OXR1: variants seen among roughly 807,000 people sequenced by gnomAD.
OXR1 encodes the protein oxidation resistance protein 1.
OXR1 carries 41 observed loss-of-function variants against 104.6 expected under a neutral mutation model. The observed-to-expected ratio is 0.39, with a 90% confidence interval of 0.31 to 0.51. OXR1 has a LOEUF of 0.51. Among genes scored for constraint, OXR1 ranks in the 20% least tolerant of loss-of-function variants. The pLI is 0.77. For missense variants in OXR1, 955 were observed against 1,031.9 expected (o/e 0.93, Z 1.02); for synonymous variants, 348 against 348.4 (o/e 1.00, Z 0.01).
intron 3 of OXR1, among the ~76,000 whole-genome samples, chr8:106,660,760 C>A (rs556519597): frequency 6.6e-6 from 1 of 152,228 alleles, no homozygotes; most frequent in East Asian, 1.9e-4. Context: ...CGTCGGTAAT[C>A]CCAGCACTTT....
chr8:106,655,769 G>A (rs779908516), intron 3 of OXR1, among the ~76,000 whole-genome samples: 1 of 152,056 alleles, frequency 6.6e-6, no homozygotes, highest in African/African-American at 2.4e-5. Context: ...GAGACATTAC[G>A]ACTCAGCCGA....
Position 106,707,336 on chromosome 8 carries a change from A to C in OXR1, c.1624+191A>C, listed in dbSNP as rs1258505439. The C allele has an allele frequency of 6.0e-6, 4 of 670,354 alleles. No homozygotes were observed. In the African/African-American group the frequency reaches 7.3e-5, roughly 12 times the overall value. 41.5% of individuals were successfully genotyped at this position (670,354 alleles called of 1,614,324 possible). On this transcript the variant is annotated intron_variant, in intron 9 of 16. Transcript: ENST00000517566. ...CTGTCTTTTCTTATCCCACAGGTGG[A>C]TTGTACACATAATGAGCATCATTGC...
intron 1 of OXR1, among the ~76,000 whole-genome samples, chr8:106,337,490 C>T (rs1020248805): frequency 2.0e-5 from 3 of 152,112 alleles, no homozygotes; most frequent in Admixed American, 6.5e-5. Flanking sequence ...AATGGCCAGA[C>T]GAGGATCACA....
Position 106,706,474 on chromosome 8 carries a change from C to T in OXR1, c.953C>T (p.Ala318Val), listed in dbSNP as rs776333439. 2 of 1,592,208 alleles carry T rather than the reference C, an allele frequency of 1.3e-6. No homozygotes were observed. The highest frequency in any genetic ancestry group is 1.2e-5 in the South Asian group (1 of 86,064). Residue 318 changes from alanine (A) to valine (V), a missense_variant, in exon 9 of 17, where the codon GCA (alanine) becomes GTA (valine). Coordinates refer to ENST00000517566, the MANE Select transcript of OXR1 (RefSeq NM_001198533.2). Reference sequence around the variant, plus strand: ...GAAATAGACTCAAGAATCCGAGATGCAGGTAATGATAGTGCCAGCACTGCT... The same window carrying T: ...GAAATAGACTCAAGAATCCGAGATGTAGGTAATGATAGTGCCAGCACTGCT... The part of the protein sequence containing the change: ...TEEIDSRIRD[A>V]GNDSASTAPR...
intron 1 of OXR1, among the ~76,000 whole-genome samples, chr8:106,335,347 G>T (rs759617791): frequency 7.2e-5 from 11 of 152,116 alleles, no homozygotes; most frequent in African/African-American, 2.7e-4. Flanking sequence ...CACCTTGCCC[G>T]CTGAGTTTCT....
chr8:106,748,743 A>G (rs1835617608), intron 16 of OXR1, among the ~76,000 whole-genome samples: 1 of 150,888 alleles, frequency 6.6e-6, no homozygotes, highest in South Asian at 2.1e-4. Context: ...TAACTTTTGT[A>G]TTTTTTATTA....
chr8:106,440,961 A>G (rs1477833122), intron 2 of OXR1, among the ~76,000 whole-genome samples: 1 of 152,154 alleles, frequency 6.6e-6, no homozygotes, highest in Non-Finnish European at 1.5e-5. Flanking sequence ...TTAATTTTTA[A>G]TAGCTGAGCT....
At chr8:106,302,479 G>A (rs545736901) in intron 1 of OXR1, among the ~76,000 whole-genome samples, 11 of 151,638 alleles carry the variant, frequency 7.3e-5, no homozygotes, top group East Asian at 2.0e-4. Flanking sequence ...CCAGCTACTC[G>A]GGAGGCTGAG....
intron 2 of OXR1, among the ~76,000 whole-genome samples, chr8:106,513,638 G>A (rs553551457): frequency 9.2e-5 from 14 of 152,242 alleles, no homozygotes; most frequent in African/African-American, 2.9e-4. Context: ...AGTGTTTATC[G>A]AAAGTGGTAC....
At chr8:106,277,771 C>T (rs989994304) in intron 1 of OXR1, among the ~76,000 whole-genome samples, 2 of 152,204 alleles carry the variant, frequency 1.3e-5, no homozygotes, top group Non-Finnish European at 2.9e-5. Flanking sequence ...TTCCCAGGTT[C>T]AAACCTAGTG....
intron 11 of OXR1, among the ~76,000 whole-genome samples, chr8:106,733,960 T>G (rs1046539954): frequency 2.0e-5 from 3 of 150,686 alleles, no homozygotes; most frequent in South Asian, 2.1e-4. Context: ...TTTTTTCAAA[T>G]CAAACTTCAC....
At chr8:106,465,573 T>C (rs1222481558) in intron 2 of OXR1, among the ~76,000 whole-genome samples, 2 of 151,790 alleles carry the variant, frequency 1.3e-5, no homozygotes, top group Non-Finnish European at 2.9e-5. Flanking sequence ...GCTAGAGTAA[T>C]GGTAGTGGGA....
intron 2 of OXR1, among the ~76,000 whole-genome samples, chr8:106,512,253 C>T (rs2130049356): frequency 6.6e-6 from 1 of 152,226 alleles, no homozygotes; most frequent in South Asian, 2.1e-4. Flanking sequence ...ATCCAGTCCC[C>T]ATGTCCATAG....
chr8:106,721,867 C>A (rs1477606962), intron 11 of OXR1, among the ~76,000 whole-genome samples: 2 of 152,126 alleles, frequency 1.3e-5, no homozygotes, highest in East Asian at 3.8e-4. Context: ...ACATTTATCA[C>A]ATTATGTCAT....
intron 3 of OXR1, among the ~76,000 whole-genome samples, chr8:106,557,201 C>A (rs892087935): frequency 2.6e-5 from 4 of 152,062 alleles, no homozygotes; most frequent in Admixed American, 1.3e-4. Context: ...GGAAATATAC[C>A]TGAAAAGCTG....
chr8:106,647,553 C>A (rs1487976260), intron 3 of OXR1, among the ~76,000 whole-genome samples: 1 of 152,130 alleles, frequency 6.6e-6, no homozygotes, highest in Non-Finnish European at 1.5e-5. Context: ...TGAAGTTAAG[C>A]TTTAGGTTTA....
At chr8:106,638,309 C>T (rs566451752) in intron 3 of OXR1, among the ~76,000 whole-genome samples, 1 of 151,966 alleles carries the variant, frequency 6.6e-6, no homozygotes, top group Admixed American at 6.6e-5. Context: ...GTCACCTTCA[C>T]CAAGAAGCCA....
intron 2 of OXR1, among the ~76,000 whole-genome samples, chr8:106,478,512 T>C (rs1821926392): frequency 6.6e-6 from 1 of 151,846 alleles, no homozygotes; most frequent in Non-Finnish European, 1.5e-5. Context: ...GAATAGTAAG[T>C]AAGGAAGTTC....
At chr8:106,340,722 C>T (rs1815209620) in intron 1 of OXR1, among the ~76,000 whole-genome samples, 1 of 152,066 alleles carries the variant, frequency 6.6e-6, no homozygotes, top group African/African-American at 2.4e-5. Context: ...TAGAACAGTG[C>T]CTCTCATATA....
Sources: gnomAD v4.1 joint callset for allele counts (sites outside exome capture counted in the v4.1 genomes callset) on GRCh38, gnomAD v4.1.1 for gene constraint, MANE v1.5 for transcripts, NCBI Gene and HGNC (gene_info 2026-07-23, HGNC 2026-07-21) for gene names.